RTL4: variants seen among roughly 807,000 people sequenced by gnomAD.
RTL4 encodes the protein retrotransposon Gag like 4.
RTL4 carries 4 observed loss-of-function variants against 5.3 expected under a neutral mutation model. The ratio of observed to expected loss-of-function variants is 0.75; its 90% CI spans 0.37 to 1.72. The LOEUF (loss-of-function observed/expected upper bound fraction) is 1.72, where lower values mean the gene tolerates loss of function less well. Among genes scored for constraint, RTL4 ranks in the 40% most tolerant of loss-of-function variants. The pLI, the probability that RTL4 is intolerant of heterozygous loss-of-function variation, is 0.04. For missense variants in RTL4, 260 were observed against 227.1 expected, an observed-to-expected ratio of 1.14 and a Z score of -0.93; for synonymous variants, 98 against 87.3, an observed-to-expected ratio of 1.12 and a Z score of -0.68.
At chrX:112,244,595 C>T in the RTL4 span, among the ~76,000 whole-genome samples, 5 of 111,488 alleles carry the variant, frequency 4.5e-5, no homozygotes, top group East Asian at 5.6e-4. Context: ...TGCTTCTGTA[C>T]GTGAAATGGG....
At chrX:112,411,257 T>A in the RTL4 span, among the ~76,000 whole-genome samples, 5 of 111,475 alleles carry the variant, frequency 4.5e-5, no homozygotes, top group East Asian at 1.1e-3. Context: ...ATGGATTCCC[T>A]GCTGAATTTT....
the RTL4 span, among the ~76,000 whole-genome samples, chrX:112,256,927 A>G: frequency 8.9e-6 from 1 of 111,911 alleles, no homozygotes; most frequent in Non-Finnish European, 1.9e-5. Context: ...TCTGTAGACA[A>G]TCAAATCATC....
chrX:112,351,315 G>A, the RTL4 span, among the ~76,000 whole-genome samples: 3 of 99,689 alleles, frequency 3.0e-5, no homozygotes, highest in East Asian at 8.5e-4. Flanking sequence ...AATAGGTGTG[G>A]TGTGGTGCTG....
chrX:112,205,604 T>A, the RTL4 span, among the ~76,000 whole-genome samples: 1 of 109,660 alleles, frequency 9.1e-6, no homozygotes, highest in Non-Finnish European at 1.9e-5. Flanking sequence ...CACGTGTGCA[T>A]GTACACACAC....
chrX:112,213,471 C>T, the RTL4 span, among the ~76,000 whole-genome samples: 7 of 112,492 alleles, frequency 6.2e-5, no homozygotes, highest in Admixed American at 1.9e-4. Context: ...GTCTGCTATA[C>T]TTGGCGCTGG....
At chrX:112,399,588 G>A in the RTL4 span, among the ~76,000 whole-genome samples, 1 of 111,024 alleles carries the variant, frequency 9.0e-6, no homozygotes, top group Non-Finnish European at 1.9e-5. Flanking sequence ...AAAGAATGTT[G>A]TTATCTAGTT....
At chrX:112,375,201 T>G in the RTL4 span, among the ~76,000 whole-genome samples, 1 of 110,695 alleles carries the variant, frequency 9.0e-6, no homozygotes, top group Non-Finnish European at 1.9e-5. Flanking sequence ...ATCCATATGG[T>G]TATGCTAAGG....
the RTL4 span, among the ~76,000 whole-genome samples, chrX:112,196,540 A>C: frequency 8.9e-6 from 1 of 111,838 alleles, no homozygotes; most frequent in Admixed American, 9.5e-5. Context: ...TTTGCATACT[A>C]GTTTTTTTTT....
chrX:112,130,942 C>T, the RTL4 span, among the ~76,000 whole-genome samples: 2 of 102,844 alleles, frequency 1.9e-5, no homozygotes, highest in Non-Finnish European at 1.9e-5. Context: ...TACAGGCTCC[C>T]GCCACCATGC....
the RTL4 span, among the ~76,000 whole-genome samples, chrX:112,438,110 T>G: frequency 9.0e-6 from 1 of 111,431 alleles, no homozygotes; most frequent in Non-Finnish European, 1.9e-5. Context: ...TCACATAGTT[T>G]CTGTGGGTAA....
At chrX:112,436,382 C>G in the RTL4 span, among the ~76,000 whole-genome samples, 1 of 110,936 alleles carries the variant, frequency 9.0e-6, no homozygotes, top group African/African-American at 3.3e-5. Context: ...AAACTTCAAA[C>G]TCCTTCTTAC....
the RTL4 span, among the ~76,000 whole-genome samples, chrX:112,432,698 G>A: frequency 1.0e-5 from 1 of 96,429 alleles, no homozygotes; most frequent in Non-Finnish European, 2.1e-5. Context: ...TCACTCTGAT[G>A]GTAGTTTCTT....
the RTL4 span, among the ~76,000 whole-genome samples, chrX:112,399,304 T>A: frequency 8.9e-6 from 1 of 111,857 alleles, no homozygotes; most frequent in East Asian, 2.8e-4. Context: ...TTCTCTATTG[T>A]TTTTCTATTT....
At chrX:112,128,248 T>A in the RTL4 span, among the ~76,000 whole-genome samples, 1 of 111,654 alleles carries the variant, frequency 9.0e-6, no homozygotes, top group Non-Finnish European at 1.9e-5. Flanking sequence ...GAATTGAGAC[T>A]CCAGAAATAA....
chrX:112,157,338 A>C, the RTL4 span, among the ~76,000 whole-genome samples: 1 of 111,045 alleles, frequency 9.0e-6, no homozygotes, highest in Non-Finnish European at 1.9e-5. Context: ...GTTTGGCCTA[A>C]ATGATCCCTA....
chrX:112,337,258 G>A, the RTL4 span, among the ~76,000 whole-genome samples: 2 of 111,869 alleles, frequency 1.8e-5, no homozygotes, highest in East Asian at 5.6e-4. Context: ...TACAGAATTG[G>A]AAAGATAGAA....
At chrX:112,340,283 G>A in the RTL4 span, among the ~76,000 whole-genome samples, 1 of 110,976 alleles carries the variant, frequency 9.0e-6, no homozygotes, top group Admixed American at 9.6e-5. Context: ...CTAGCCTTCA[G>A]AAAGGATCTG....
chrX:112,154,191 A>T, the RTL4 span, among the ~76,000 whole-genome samples: 2 of 109,176 alleles, frequency 1.8e-5, no homozygotes, highest in Non-Finnish European at 3.8e-5. Flanking sequence ...GTTCTTTTAT[A>T]CTCTTTTAAC....
chrX:112,196,943 C>G, the RTL4 span, among the ~76,000 whole-genome samples: 1 of 109,846 alleles, frequency 9.1e-6, no homozygotes, highest in Non-Finnish European at 1.9e-5. Context: ...TTGATAATGG[C>G]CATGCTAACA....
Sources: allele counts gnomAD v4.1 joint callset (sites outside exome capture counted in the v4.1 genomes callset), GRCh38; gene constraint gnomAD v4.1.1; transcripts MANE v1.5; gene names NCBI Gene and HGNC (gene_info 2026-07-23, HGNC 2026-07-21).